The following PNPLA5 variants were observed in gnomAD, a reference collection of about 807,000 sequenced individuals.
The protein encoded by PNPLA5 is patatin like domain 5, triacylglycerol lipase.
A neutral mutation model predicts 49.1 loss-of-function variants in PNPLA5; 44 were observed. That is an observed-to-expected ratio of 0.90 (90% confidence interval 0.70 to 1.15). The LOEUF (loss-of-function observed/expected upper bound fraction) is 1.15. PNPLA5 is among the 50% of genes most tolerant of loss of function. The pLI, the probability that PNPLA5 is intolerant of heterozygous loss-of-function variation, is 0.00. For missense variants in PNPLA5, 603 were observed against 564.0 expected (o/e 1.07, Z -0.70); for synonymous variants, 243 against 244.4 (o/e 0.99, Z 0.06).
intron 6 of PNPLA5, 109 bp downstream of exon 6, chr22:43,886,194 T>C (rs946561133): frequency 7.9e-7 from 1 of 1,259,442 alleles, no homozygotes; most frequent in South Asian, 1.6e-5. Flanking sequence ...GCTCAGTAAA[T>C]GAGTCCTGTC....
At position 43,889,794 on chromosome 22, in the gene PNPLA5, C is replaced by T. The variant is rs1466425994; in HGVS notation, c.492+5G>A. 1 of 1,611,878 alleles carries T rather than the reference C, an allele frequency of 6.2e-7. No individual in the cohort carries two copies. Among genetic ancestry groups the T allele is most frequent in the Non-Finnish European group, 8.5e-7 (1 of 1,179,294 alleles). On this transcript the variant is annotated splice_donor_5th_base_variant and intron_variant, in intron 3 of 8. Transcript: ENST00000216177. Reference sequence around the variant, plus strand: ...GCACAGAACGGGGTTCCAGAGTGCACTCACCTCCCCTCTGAACTCGGGGGG... The same window carrying T: ...GCACAGAACGGGGTTCCAGAGTGCATTCACCTCCCCTCTGAACTCGGGGGG...
At chr22:43,884,096 G>A (rs572605190) in intron 7 of PNPLA5, 117 bp downstream of exon 7, 31 of 865,376 alleles carry the variant, frequency 3.6e-5, no homozygotes, top group African/African-American at 5.2e-5. Context: ...GACACCAGCC[G>A]GGCTCCCCCC....
At chr22:43,890,717 A>G (rs927059526) in intron 2 of PNPLA5, among the ~76,000 whole-genome samples, 6 of 152,198 alleles carry the variant, frequency 3.9e-5, no homozygotes, top group East Asian at 1.9e-4. Flanking sequence ...TAGGTGTTCA[A>G]TAAATGTCAA....
intron 7 of PNPLA5, among the ~76,000 whole-genome samples, chr22:43,883,393 A>G (rs2049629928): frequency 6.6e-6 from 1 of 152,272 alleles, no homozygotes; most frequent in Non-Finnish European, 1.5e-5. Context: ...TTGGCCCCTG[A>G]GAGGTCCTCA....
At chr22:43,890,023 CAAGGG>C in intron 2 of PNPLA5, 159 bp from the exon 3 acceptor site, 1 of 1,416,992 alleles carries the variant, frequency 7.1e-7, no homozygotes, top group Non-Finnish European at 9.3e-7. Flanking sequence ...CCAAGCTCTC[CAAGGG>C]AAGCAGGGAT....
In PNPLA5 at chr22:43,881,713, T is replaced by C. The variant is rs761857931; in HGVS notation, c.1083-39A>G. 2.5e-6 allele frequency: 4 copies of C among 1,602,166 alleles called. No homozygotes were observed. In the South Asian group the frequency reaches 4.5e-5, roughly 18 times the overall value. On this transcript the variant is annotated intron_variant, in intron 7 of 8. Transcript: ENST00000216177. ...CAGGTCAGCTTTGCCCAGGTGAGCC[T>C]GGGGTGTGGCCCCACCAAGCCCACC...
Position 43,880,886 on chromosome 22 carries a change from C to T in PNPLA5, c.1200-1G>A. ...TTCCAGGACGCGAGTGGCCGGAGGGCTGTGGAGGGAGGAGAAGCCACGGGT... is the reference window on the plus strand; with the variant it reads ...TTCCAGGACGCGAGTGGCCGGAGGGTTGTGGAGGGAGGAGAAGCCACGGGT... On this transcript the variant is annotated splice_acceptor_variant, in intron 8 of 8. Coordinates refer to ENST00000216177, the MANE Select transcript of PNPLA5 (RefSeq NM_138814.4). LOFTEE classifies it high-confidence loss of function. 1 of 1,326,092 alleles carries T rather than the reference C, an allele frequency of 7.5e-7. No individual in the cohort carries two copies. Among genetic ancestry groups the T allele is most frequent in the Non-Finnish European group, 9.7e-7 (1 of 1,029,736 alleles). 82.1% of individuals were successfully genotyped at this position (1,326,092 alleles called of 1,614,324 possible). A position where few individuals can be genotyped will look rare whatever the true frequency, so the allele number is the denominator to read the frequency against.
intron 6 of PNPLA5, among the ~76,000 whole-genome samples, chr22:43,885,318 C>A (rs1372113018): frequency 1.3e-5 from 2 of 152,086 alleles, no homozygotes; most frequent in Non-Finnish European, 2.9e-5. Context: ...TCCCCTTGCC[C>A]ACCCCACTCT....
chr22:43,884,409 C>A, intron 6 of PNPLA5, 64 bp from the exon 7 acceptor site: 2 of 1,467,934 alleles, frequency 1.4e-6, no homozygotes, highest in Non-Finnish European at 1.8e-6. Flanking sequence ...ACCTGAGCCC[C>A]CCCATTTCAC....
Position 43,880,851 on chromosome 22 carries a change from G to C in PNPLA5, c.1234C>G (p.Leu412Val), listed in dbSNP as rs777002281. Reference protein sequence around the residue: ...PATRVLETSPLQPQIAPHREE... With the variant: ...PATRVLETSPVQPQIAPHREE... ...CTATGAGGAGCTATCTGGGGTTGGA[G>C]GGGGCTTGTTTCCAGGACGCGAGTG... Residue 412 changes from leucine to valine, a missense_variant, in exon 9 of 9, where the codon CTC becomes GTC. Transcript: ENST00000216177. 1 of 1,340,160 alleles carries C rather than the reference G, an allele frequency of 7.5e-7. No homozygotes were observed. The highest frequency in any genetic ancestry group is 2.8e-5 in the East Asian group (1 of 35,746). 83.0% of individuals were successfully genotyped at this position (1,340,160 alleles called of 1,614,324 possible).
At chr22:43,887,280 C>T (rs1161219386) in intron 5 of PNPLA5, among the ~76,000 whole-genome samples, 1 of 152,154 alleles carries the variant, frequency 6.6e-6, no homozygotes, top group Non-Finnish European at 1.5e-5. Context: ...CTACCCCCAA[C>T]CCCCAGGCTG....
At chr22:43,884,886 A>T (rs1384486098) in intron 6 of PNPLA5, among the ~76,000 whole-genome samples, 3 of 152,162 alleles carry the variant, frequency 2.0e-5, no homozygotes, top group Admixed American at 2.0e-4. Context: ...CTCCAGACAC[A>T]GCCCAGGCCA....
In PNPLA5 at chr22:43,883,810, GA is replaced by G. The variant is rs79338006; in HGVS notation, c.1082+402del. Among the ~76,000 whole-genome samples the G allele has an allele frequency of 1.4e-4, 17 of 118,506 alleles. No individual in the cohort carries two copies. In the East Asian group the frequency reaches 1.6e-3, roughly 11 times the overall value. The allele number at this position is 118,506 out of a possible 152,430, so 77.7% of individuals were successfully genotyped here. On this transcript the variant is annotated intron_variant, in intron 7 of 8. Transcript: ENST00000216177. ...TGGGCAATAGAGTGAGACTCTGTCAGAAAAAAAAAAAGAAAAGAAAAGAAAG... is the reference window on the plus strand; with the variant it reads ...TGGGCAATAGAGTGAGACTCTGTCAGAAAAAAAAAAGAAAAGAAAAGAAAG...
At position 43,880,644 on chromosome 22, in the gene PNPLA5, G is replaced by C; in HGVS notation, c.*151C>G. The C allele has an allele frequency of 1.4e-6, 1 of 710,944 alleles. No homozygotes were observed. The highest frequency in any genetic ancestry group is 2.0e-6 in the Non-Finnish European group (1 of 510,650). The allele number at this position is 710,944 out of a possible 1,614,324, so 44.0% of individuals were successfully genotyped here. Reference sequence around the variant, plus strand: ...CACAGTGACCGGGGACATGCTGACAGGCTGCGCCCCAAGGAACGGGCTCCA... The same window carrying C: ...CACAGTGACCGGGGACATGCTGACACGCTGCGCCCCAAGGAACGGGCTCCA... On this transcript the variant is annotated 3_prime_UTR_variant, in exon 9 of 9. Transcript: ENST00000216177.
rs757461794 is a variant in PNPLA5 at position 43,880,888 on chromosome 22, G to A, written c.1200-3C>T. The A allele has an allele frequency of 2.3e-6, 3 of 1,325,118 alleles. No homozygotes were observed. Among genetic ancestry groups the A allele is most frequent in the Admixed American group, 6.1e-5 (2 of 32,714 alleles). 82.1% of individuals were successfully genotyped at this position (1,325,118 alleles called of 1,614,324 possible). On this transcript the variant is annotated splice_region_variant and splice_polypyrimidine_tract_variant and intron_variant, in intron 8 of 8. Transcript: ENST00000216177. The stretch of plus-strand genomic sequence containing the variant: ...CCAGGACGCGAGTGGCCGGAGGGCT[G>A]TGGAGGGAGGAGAAGCCACGGGTAA...
chr22:43,886,569 C>T (rs2049667354), intron 5 of PNPLA5, 81 bp from the exon 6 acceptor site: 11 of 1,513,634 alleles, frequency 7.3e-6, no homozygotes, highest in Non-Finnish European at 1.8e-6. Context: ...CCCTCAGAGC[C>T]CAAACCCAGT....
At chr22:43,883,301 G>C (rs888833282) in intron 7 of PNPLA5, among the ~76,000 whole-genome samples, 9 of 152,208 alleles carry the variant, frequency 5.9e-5, no homozygotes, top group Non-Finnish European at 1.2e-4. Flanking sequence ...AGGTGAGTGT[G>C]TGATAATTTG....
chr22:43,888,387 T>A (rs2049687928), intron 4 of PNPLA5, among the ~76,000 whole-genome samples: 1 of 146,028 alleles, frequency 6.8e-6, no homozygotes, highest in African/African-American at 2.5e-5. Context: ...TGTGTGTGTG[T>A]GTGTGTGTGT....
rs1179748726 is a variant in PNPLA5, at chr22:43,891,086, G to T, written c.402C>A (p.Phe134Leu). 4 of 1,610,976 alleles carry T rather than the reference G, an allele frequency of 2.5e-6. No homozygotes were observed. Among genetic ancestry groups the T allele is most frequent in the Non-Finnish European group, 3.4e-6 (4 of 1,179,068 alleles). The change falls in exon 2 of 9, where the codon TTC becomes TTA. Residue 134 changes from phenylalanine to leucine, a missense_variant. Coordinates refer to ENST00000216177, the MANE Select transcript of PNPLA5 (RefSeq NM_138814.4). Reference protein sequence around the residue: ...PDGRNFLVTDFATCDELIQAL... With the variant: ...PDGRNFLVTDLATCDELIQAL... ...CCTGGATGAGCTCATCGCAGGTGGC[G>T]AAGTCAGTGACCAAGAAGTTGCGTC...
Sources: allele counts gnomAD v4.1 joint callset (sites outside exome capture counted in the v4.1 genomes callset), GRCh38; gene constraint gnomAD v4.1.1; transcripts MANE v1.5; gene names NCBI Gene and HGNC (gene_info 2026-07-23, HGNC 2026-07-21).